The following CHRDL1 variants were observed in gnomAD, a reference collection of about 807,000 sequenced individuals.
CHRDL1 encodes chordin-like protein 1.
In CHRDL1, 19 loss-of-function variants were observed where a neutral mutation model predicts 40.9. The ratio of observed to expected loss-of-function variants is 0.46; its 90% CI spans 0.32 to 0.68. The LOEUF is 0.68. CHRDL1 is among the 30% of genes least tolerant of loss of function. CHRDL1 has a pLI of 0.03. For synonymous variants in CHRDL1, 136 were observed against 123.4 expected, an observed-to-expected ratio of 1.10 and a Z score of -0.68; for missense variants, 329 against 352.1, an observed-to-expected ratio of 0.93 and a Z score of 0.53.
Position 110,719,927 on chromosome X carries a change from T to A in CHRDL1, c.449A>T (p.Glu150Val). The A allele has an allele frequency of 8.6e-7, 1 of 1,159,821 alleles. No individual in the cohort carries two copies. Among genetic ancestry groups the A allele is most frequent in the Non-Finnish European group, 1.2e-6 (1 of 849,227 alleles). The change falls in exon 6 of 12, where the codon GAG becomes GTG. Residue 150 changes from glutamate (E) to valine (V), a missense_variant and splice_region_variant. Glu to Val is a moderately radical substitution (Grantham distance 121, BLOSUM62 -2). Coordinates refer to ENST00000372042, the MANE Select transcript of CHRDL1 (RefSeq NM_001143981.2). ...PNQCTQCSCSEGNVYCGLKTC... is the reference protein window; with the variant it reads ...PNQCTQCSCSVGNVYCGLKTC... ...CTTGAGACCACAATACACGTTTCCC[T>A]CCTGCCAAGGAGAAACAGAATTAAG...
At chrX:110,789,645 A>C (rs181019458) in intron 2 of CHRDL1, among the ~76,000 whole-genome samples, 154 of 112,250 alleles carry the variant, frequency 1.4e-3, no homozygotes, top group African/African-American at 4.8e-3. Context: ...AGCAAAAGCA[A>C]ATCACAGAAA....
intron 7 of CHRDL1, among the ~76,000 whole-genome samples, chrX:110,697,863 C>T (rs970296312): frequency 2.8e-5 from 3 of 105,310 alleles, no homozygotes; most frequent in African/African-American, 7.2e-5. Context: ...CACACACACA[C>T]ACACACACAC....
At chrX:110,701,676 T>C (rs1465166804) in intron 6 of CHRDL1, among the ~76,000 whole-genome samples, 1 of 111,151 alleles carries the variant, frequency 9.0e-6, no homozygotes, top group African/African-American at 3.3e-5. Flanking sequence ...TAGCTGGGCA[T>C]GGTGGTGTGC....
intron 4 of CHRDL1, among the ~76,000 whole-genome samples, chrX:110,743,894 G>C (rs959734944): frequency 4.5e-5 from 5 of 110,936 alleles, no homozygotes; most frequent in African/African-American, 1.6e-4. Context: ...TGGTGAGGCG[G>C]GTAGGCAGAC....
chrX:110,717,266 G>A (rs1194045925), intron 6 of CHRDL1, among the ~76,000 whole-genome samples: 3 of 111,850 alleles, frequency 2.7e-5, no homozygotes, highest in Non-Finnish European at 3.8e-5. Context: ...AGTTCTCTGA[G>A]CAATTCTGAA....
chrX:110,697,724 T>G (rs1201012775), intron 7 of CHRDL1, among the ~76,000 whole-genome samples: 1 of 107,748 alleles, frequency 9.3e-6, no homozygotes, highest in Non-Finnish European at 1.9e-5. Flanking sequence ...AATCAGGGCT[T>G]GGCTGTTGTC....
intron 4 of CHRDL1, among the ~76,000 whole-genome samples, chrX:110,751,238 A>G (rs1353567150): frequency 8.9e-6 from 1 of 111,857 alleles, no homozygotes; most frequent in Non-Finnish European, 1.9e-5. Context: ...GTCTTGTGCT[A>G]AAATTGCCTA....
At chrX:110,716,563 A>G (rs1409733577) in intron 6 of CHRDL1, among the ~76,000 whole-genome samples, 1 of 111,187 alleles carries the variant, frequency 9.0e-6, no homozygotes, top group Admixed American at 9.7e-5. Flanking sequence ...GTTTACTTCT[A>G]GTTTGCAGGA....
intron 4 of CHRDL1, among the ~76,000 whole-genome samples, chrX:110,729,341 C>T (rs2071116072): frequency 9.1e-6 from 1 of 109,476 alleles, no homozygotes; most frequent in African/African-American, 3.3e-5. Context: ...CTTCAACTGC[C>T]ATCACTTCTT....
intron 4 of CHRDL1, among the ~76,000 whole-genome samples, chrX:110,756,302 T>C (rs1418527208): frequency 1.8e-5 from 2 of 112,168 alleles, no homozygotes; most frequent in East Asian, 5.6e-4. Context: ...CAAAGCCATA[T>C]GGTCCATCAG....
At chrX:110,681,459 G>A in intron 10 of CHRDL1, 23 bp downstream of exon 10, 1 of 1,186,690 alleles carries the variant, frequency 8.4e-7, no homozygotes, top group Non-Finnish European at 1.1e-6. Context: ...ACAAAGATGA[G>A]AAATTAATGT....
intron 2 of CHRDL1, among the ~76,000 whole-genome samples, chrX:110,775,655 C>A (rs1396507307): frequency 9.0e-6 from 1 of 111,401 alleles, no homozygotes; most frequent in South Asian, 3.7e-4. Flanking sequence ...GATTTTTAAT[C>A]CCCTGACAGT....
intron 10 of CHRDL1, 109 bp from the exon 11 acceptor site, chrX:110,679,534 A>T: frequency 1.8e-6 from 1 of 541,568 alleles, no homozygotes; most frequent in South Asian, 2.8e-5. Flanking sequence ...AGGGCTTAAG[A>T]GTATCGAGTT....
chrX:110,731,881 A>T (rs1021325683), intron 4 of CHRDL1, among the ~76,000 whole-genome samples: 3 of 110,813 alleles, frequency 2.7e-5, no homozygotes, highest in African/African-American at 9.9e-5. Context: ...CTGGAGTTAG[A>T]TAGTGGTGAT....
At chrX:110,794,082 A>G (rs1022034791) in intron 1 of CHRDL1, among the ~76,000 whole-genome samples, 1 of 111,985 alleles carries the variant, frequency 8.9e-6, no homozygotes, top group African/African-American at 3.3e-5. Context: ...CTGTGCAGAA[A>G]TATGAACCAA....
At chrX:110,742,623 A>C (rs755017780) in intron 4 of CHRDL1, among the ~76,000 whole-genome samples, 1 of 111,921 alleles carries the variant, frequency 8.9e-6, no homozygotes, top group East Asian at 2.8e-4. Context: ...TGAATCTCAG[A>C]TATAAACAGT....
chrX:110,685,801 T>C (rs1254139336), intron 9 of CHRDL1, among the ~76,000 whole-genome samples: 1 of 110,993 alleles, frequency 9.0e-6, no homozygotes, highest in Non-Finnish European at 1.9e-5. Context: ...GTAAACAGCA[T>C]TGCAGCAAAA....
In CHRDL1 at chrX:110,728,148, A is replaced by C. The variant is rs2071091263; in HGVS notation, c.302-6618T>G. ...TATATATATATTCATATTTGCTTAC[A>C]TTTTCATAAAAATCTGGAAAGATAT... On this transcript the variant is annotated intron_variant, in intron 4 of 11. Transcript: ENST00000372042. Among the ~76,000 whole-genome samples the C allele has an allele frequency of 4.5e-5, 5 of 110,388 alleles. No homozygotes were observed. The South Asian group carries it at 1.9e-3, about 42-fold the overall frequency.
At chrX:110,729,914 A>G (rs2071126544) in intron 4 of CHRDL1, among the ~76,000 whole-genome samples, 1 of 112,429 alleles carries the variant, frequency 8.9e-6, no homozygotes, top group Non-Finnish European at 1.9e-5. Flanking sequence ...TAATCTGTTC[A>G]GCATAGTACC....
Sources: allele counts gnomAD v4.1 joint callset (sites outside exome capture counted in the v4.1 genomes callset), GRCh38; gene constraint gnomAD v4.1.1; transcripts MANE v1.5; gene names NCBI Gene and HGNC (gene_info 2026-07-23, HGNC 2026-07-21).